The following ABCC9 variants were observed in gnomAD, a reference collection of about 807,000 sequenced individuals.
ABCC9 encodes ATP-binding cassette sub-family C member 9.
ABCC9 carries 95 observed loss-of-function variants against 188.3 expected under a neutral mutation model. The observed-to-expected ratio is 0.50, with a 90% CI of 0.43 to 0.60. ABCC9 has a LOEUF of 0.60. ABCC9 is among the 20% of genes least tolerant of loss of function. The pLI, the probability that ABCC9 is intolerant of heterozygous loss-of-function variation, is 0.00. For missense variants in ABCC9, 1,102 were observed against 1,876.3 expected (o/e 0.59, Z 7.62); for synonymous variants, 659 against 652.7 (o/e 1.01, Z -0.15).
intron 31 of ABCC9, among the ~76,000 whole-genome samples, chr12:21,826,345 C>T (rs1452830853): frequency 6.6e-6 from 1 of 151,894 alleles, no homozygotes; most frequent in African/African-American, 2.4e-5. Flanking sequence ...CCCTAGTCTC[C>T]AAGGTACTAT....
At chr12:21,911,045 C>A in intron 8 of ABCC9, 67 bp from the exon 9 acceptor site, 1 of 1,463,058 alleles carries the variant, frequency 6.8e-7, no homozygotes, top group Non-Finnish European at 9.5e-7. Flanking sequence ...GTACAGTTTG[C>A]ATTTATTAAA....
At chr12:21,939,677 A>G (rs1386622386) in intron 2 of ABCC9, among the ~76,000 whole-genome samples, 1 of 152,158 alleles carries the variant, frequency 6.6e-6, no homozygotes, top group Non-Finnish European at 1.5e-5. Context: ...AGATGGGGAG[A>G]TATAATGTTT....
At chr12:21,846,414 G>T (rs915274815) in intron 25 of ABCC9, among the ~76,000 whole-genome samples, 7 of 152,202 alleles carry the variant, frequency 4.6e-5, no homozygotes, top group African/African-American at 1.4e-4. Context: ...AGCAGGCTTT[G>T]CATTTCCTGA....
chr12:21,915,368 A>G lies in ABCC9; in HGVS notation c.816+300T>C, dbSNP rs571900828. 1.6e-3 allele frequency among the ~76,000 whole-genome samples: 226 copies of G among 142,786 alleles called. 1 individual carries two copies. The highest frequency in any genetic ancestry group is 2.8e-3 in the Non-Finnish European group (184 of 65,938). The allele number at this position is 142,786 out of a possible 152,430, so 93.7% of individuals were successfully genotyped here. A position where few individuals can be genotyped will look rare whatever the true frequency, so the allele number is the denominator to read the frequency against. ...GTGTATGTATATATAATGTGTATAT[A>G]TGTGTGTATATATAGACATGTGTAT... On this transcript the variant is annotated intron_variant, in intron 7 of 39. Coordinates refer to ENST00000261200, the MANE Select transcript of ABCC9 (RefSeq NM_020297.4).
At chr12:21,818,272 A>T (rs1032161409) in intron 31 of ABCC9, 21 bp from the exon 32 acceptor site, 2 of 1,599,054 alleles carry the variant, frequency 1.3e-6, no homozygotes, top group African/African-American at 2.7e-5. Flanking sequence ...GCAAGAGAAA[A>T]TGTTAAAAGG....
chr12:21,817,422 A>T, intron 32 of ABCC9, 115 bp from the exon 33 acceptor site: 1 of 928,708 alleles, frequency 1.1e-6, no homozygotes, highest in Non-Finnish European at 1.7e-6. Flanking sequence ...TGTGTGATAC[A>T]ACTCATAAGT....
chr12:21,932,160 G>A (rs1041646397), intron 4 of ABCC9, among the ~76,000 whole-genome samples: 1 of 151,904 alleles, frequency 6.6e-6, no homozygotes, highest in Non-Finnish European at 1.5e-5. Context: ...CTATTCTTGA[G>A]TTTATTTTGT....
At chr12:21,919,104 A>C (rs1948709531) in intron 5 of ABCC9, among the ~76,000 whole-genome samples, 1 of 152,076 alleles carries the variant, frequency 6.6e-6, no homozygotes, top group South Asian at 2.1e-4. Context: ...TTACAGTATA[A>C]GGTTCAAAAC....
intron 13 of ABCC9, 123 bp from the exon 14 acceptor site, chr12:21,894,297 G>A: frequency 8.7e-7 from 1 of 1,153,608 alleles, no homozygotes. Context: ...TGATAACAAT[G>A]ACTTCATCCA....
chr12:21,842,625 C>T (rs1311875876), intron 28 of ABCC9, among the ~76,000 whole-genome samples, 154 bp from the exon 29 acceptor site: 1 of 152,156 alleles, frequency 6.6e-6, no homozygotes, highest in Non-Finnish European at 1.5e-5. Flanking sequence ...CACTCACTTC[C>T]CATAGTTTAT....
At chr12:21,912,843 G>C (rs375833085) in intron 8 of ABCC9, 29 bp downstream of exon 8, 1 of 1,600,842 alleles carries the variant, frequency 6.2e-7, no homozygotes, top group Non-Finnish European at 8.6e-7. Flanking sequence ...TCAATAATAT[G>C]TTTCCATTGA....
At position 21,940,752 on chromosome 12, in the gene ABCC9, A is replaced by C. The variant is rs960930774; in HGVS notation, c.-63T>G. ...CGCTGCTTCAAACCCCTGCCGGTGC[A>C]CTTGAGCTACCTTCAAAACACCGAC... On this transcript the variant is annotated 5_prime_UTR_variant, in exon 2 of 40. Coordinates refer to ENST00000261200, the MANE Select transcript of ABCC9 (RefSeq NM_020297.4). 6.6e-6 allele frequency: 1 copy of C among 152,174 alleles called. No homozygotes were observed. The highest frequency in any genetic ancestry group is 2.1e-4 in the South Asian group (1 of 4,826). 9.4% of individuals were successfully genotyped at this position (152,174 alleles called of 1,614,324 possible).
rs1312586922 is a variant in ABCC9 at position 21,875,739 on chromosome 12, AAT to A, written c.2020-15_2020-14del. 6.3e-7 allele frequency: 1 copy of A among 1,586,174 alleles called. No individual in the cohort carries two copies. The highest frequency in any genetic ancestry group is 8.7e-7 in the Non-Finnish European group (1 of 1,155,044). On this transcript the variant is annotated splice_polypyrimidine_tract_variant and intron_variant, in intron 16 of 39. Coordinates refer to ENST00000261200, the MANE Select transcript of ABCC9 (RefSeq NM_020297.4). ...ATCCATTTGTGACCTACAAAATAAA[AAT>A]ACAGAAATTAAATTATATGTGTGGT...
In ABCC9 at chr12:21,935,248, C is replaced by T. The variant is rs1437847741; in HGVS notation, c.142+1285G>A. On this transcript the variant is annotated intron_variant, in intron 3 of 39. Coordinates refer to ENST00000261200, the MANE Select transcript of ABCC9 (RefSeq NM_020297.4). ...AATTACAGTTAAAAAATCCATTTTTCTACTTTTGGCCAAAGGGCGTTCTTC... is the reference window on the plus strand; with the variant it reads ...AATTACAGTTAAAAAATCCATTTTTTTACTTTTGGCCAAAGGGCGTTCTTC... 2.0e-5 allele frequency among the ~76,000 whole-genome samples: 3 copies of T among 152,094 alleles called. No homozygotes were observed. In the East Asian group the frequency reaches 5.8e-4, roughly 29 times the overall value.
chr12:21,927,320 C>T (rs1173734566), intron 4 of ABCC9, among the ~76,000 whole-genome samples: 5 of 152,032 alleles, frequency 3.3e-5, no homozygotes, highest in Admixed American at 6.5e-5. Context: ...ACGGATAGCT[C>T]TAGCAGTCAT....
intron 31 of ABCC9, among the ~76,000 whole-genome samples, chr12:21,825,176 C>T (rs11046199): frequency 0.068 from 10,321 of 152,174 alleles, 423 homozygotes; most frequent in East Asian, 0.11. Context: ...GAAATAGGAA[C>T]GCTTTTACAC....
At chr12:21,882,714 A>G in intron 16 of ABCC9, 52 bp downstream of exon 16, 4 of 1,477,532 alleles carry the variant, frequency 2.7e-6, no homozygotes, top group Non-Finnish European at 3.8e-6. Context: ...TCACCATAAA[A>G]TAGTAACATA....
chr12:21,913,061 T>A lies in ABCC9; in HGVS notation c.822A>T (p.Lys274Asn). 6.3e-7 allele frequency: 1 copy of A among 1,597,138 alleles called. No homozygotes were observed. The highest frequency in any genetic ancestry group is 8.5e-7 in the Non-Finnish European group (1 of 1,175,318). ...LKDAYEEQKK[K>N]VADHPNRTPS... ...GAGTCCGATTTGGATGATCTGCAAC[T>A]TTTTTCTGAAGAAAAAAAAAAGAAA... Residue 274 changes from lysine to asparagine, a missense_variant, in exon 8 of 40, where the codon AAA becomes AAT. Lys to Asn is a moderately conservative substitution (Grantham distance 94). Transcript: ENST00000261200.
chr12:21,903,132 G>A (rs752871179), intron 12 of ABCC9, among the ~76,000 whole-genome samples: 37 of 151,598 alleles, frequency 2.4e-4, no homozygotes, highest in Admixed American at 3.9e-4. Context: ...GCAAAGCCTC[G>A]TTCAACATAC....
Sources: allele counts gnomAD v4.1 joint callset (sites outside exome capture counted in the v4.1 genomes callset), GRCh38; gene constraint gnomAD v4.1.1; transcripts MANE v1.5; gene names NCBI Gene and HGNC (gene_info 2026-07-23, HGNC 2026-07-21).